CACHD1: variants seen among roughly 807,000 people sequenced by gnomAD.
CACHD1 encodes VWFA and cache domain-containing protein 1.
CACHD1 carries 71 observed loss-of-function variants against 138.7 expected under a neutral mutation model. The ratio of observed to expected loss-of-function variants is 0.51; its 90% CI spans 0.42 to 0.62. The LOEUF (loss-of-function observed/expected upper bound fraction) is 0.62, where lower values mean the gene tolerates loss of function less well. Ranked by LOEUF, CACHD1 falls within the 20% of genes least tolerant of loss-of-function variation. The pLI, the probability that CACHD1 is intolerant of heterozygous loss-of-function variation, is 0.00. For missense variants in CACHD1, 1,389 were observed against 1,625.3 expected (o/e 0.85, Z 2.50); for synonymous variants, 578 against 591.5 (o/e 0.98, Z 0.33).
In CACHD1 at chr1:64,550,600, T is replaced by G. The variant is rs767926413; in HGVS notation, c.205T>G (p.Phe69Val). The G allele has an allele frequency of 1.2e-6, 2 of 1,610,846 alleles. No individual in the cohort carries two copies. Among genetic ancestry groups the G allele is most frequent in the South Asian group, 2.2e-5 (2 of 90,972 alleles). The stretch of plus-strand genomic sequence containing the variant: ...CATTTTCTTTTCATTGCAGCGGATA[T>G]TCAACTCCTTTGTTTACACTGAGAA... ...ELGVVTMQRI[F>V]NSFVYTEKIS... The change falls in exon 2 of 27, where the codon TTC becomes GTC. Residue 69 changes from phenylalanine to valine, a missense_variant. Around this residue, in one of 5 missense-constraint regions of CACHD1, gnomAD observed 1,000 missense variants for 1,114.7 expected, o/e 0.90. Coordinates refer to ENST00000651257, the MANE Select transcript of CACHD1 (RefSeq NM_020925.4).
intron 1 of CACHD1, among the ~76,000 whole-genome samples, chr1:64,508,115 A>G (rs1646391141): frequency 6.6e-6 from 1 of 152,154 alleles, no homozygotes; most frequent in Non-Finnish European, 1.5e-5. Flanking sequence ...AAGAGAGAGA[A>G]GGGGGAGGTG....
intron 14 of CACHD1, 62 bp from the exon 15 acceptor site, chr1:64,664,429 TGCCAGCA>T (rs1381939163): frequency 6.8e-7 from 1 of 1,477,000 alleles, no homozygotes; most frequent in Non-Finnish European, 9.3e-7. Context: ...TTGGGAACAC[TGCCAGCA>T]GCCCACTCTC....
At chr1:64,572,271 C>A (rs1646932689) in intron 2 of CACHD1, among the ~76,000 whole-genome samples, 3 of 152,174 alleles carry the variant, frequency 2.0e-5, no homozygotes, top group Non-Finnish European at 1.5e-5. Context: ...GGTGGAACTT[C>A]TTTTTCCTTG....
At chr1:64,574,870 C>T (rs184647677) in intron 2 of CACHD1, among the ~76,000 whole-genome samples, 1 of 152,308 alleles carries the variant, frequency 6.6e-6, no homozygotes, top group African/African-American at 2.4e-5. Context: ...CTACAGCCCT[C>T]TGTGCCATTT....
In CACHD1 at chr1:64,641,302, T is replaced by G. The variant is rs535153353; in HGVS notation, c.1007-518T>G. ...CCTGGCTTCTAAGTCCATGTTTCAC[T>G]GCTCTACTGATGAGATTTTTAAATG... On this transcript the variant is annotated intron_variant, in intron 7 of 26. Coordinates refer to ENST00000651257, the MANE Select transcript of CACHD1 (RefSeq NM_020925.4). 1.4e-3 allele frequency among the ~76,000 whole-genome samples: 211 copies of G among 152,298 alleles called. 2 individuals carry two copies. Among genetic ancestry groups the G allele is most frequent in the African/African-American group, 5.0e-3 (207 of 41,562 alleles).
At chr1:64,474,994 C>T (rs1056264197) in intron 1 of CACHD1, among the ~76,000 whole-genome samples, 2 of 152,150 alleles carry the variant, frequency 1.3e-5, no homozygotes, top group African/African-American at 4.8e-5. Flanking sequence ...ACTGGAGCTT[C>T]AACTCCAATT....
At chr1:64,679,953 C>A (rs1231131403) in intron 24 of CACHD1, among the ~76,000 whole-genome samples, 197 bp downstream of exon 24, 1 of 152,184 alleles carries the variant, frequency 6.6e-6, no homozygotes, top group Non-Finnish European at 1.5e-5. Flanking sequence ...CCGGAAAAAT[C>A]CCTGGATCCT....
At chr1:64,486,789 CCTGCCTTTAAGGAGCTTACATT>C (rs1388097077) in intron 1 of CACHD1, among the ~76,000 whole-genome samples, 2 of 152,070 alleles carry the variant, frequency 1.3e-5, no homozygotes, top group Non-Finnish European at 2.9e-5. Context: ...GAACAGAGTC[CCTGCCTTTAAGGAGCTTACATT>C]CTTATAAGAG....
At chr1:64,481,275 C>T (rs1001952396) in intron 1 of CACHD1, among the ~76,000 whole-genome samples, 11 of 152,076 alleles carry the variant, frequency 7.2e-5, no homozygotes, top group Admixed American at 2.0e-4. Context: ...AAGCCCAAGA[C>T]GGCAGCATTT....
intron 2 of CACHD1, among the ~76,000 whole-genome samples, chr1:64,580,236 T>C (rs1647001403): frequency 6.6e-6 from 1 of 152,182 alleles, no homozygotes; most frequent in Non-Finnish European, 1.5e-5. Flanking sequence ...CAGGATTTTT[T>C]TTCCCTGATA....
At chr1:64,537,279 G>T (rs569229315) in intron 1 of CACHD1, among the ~76,000 whole-genome samples, 90 of 149,032 alleles carry the variant, frequency 6.0e-4, no homozygotes, top group Non-Finnish European at 1.1e-3. Context: ...AAAAAAAATT[G>T]TTTGTTGAGC....
chr1:64,543,581 A>G (rs1192247488), intron 1 of CACHD1, among the ~76,000 whole-genome samples: 1 of 151,570 alleles, frequency 6.6e-6, no homozygotes, highest in Non-Finnish European at 1.5e-5. Flanking sequence ...CTCTAAAATA[A>G]TAATTTTAAA....
At chr1:64,488,885 A>T (rs895942790) in intron 1 of CACHD1, among the ~76,000 whole-genome samples, 1 of 152,226 alleles carries the variant, frequency 6.6e-6, no homozygotes, top group Admixed American at 6.5e-5. Flanking sequence ...ACTCTGGTAG[A>T]TACCTAGGAT....
intron 4 of CACHD1, among the ~76,000 whole-genome samples, chr1:64,612,837 G>A (rs1570416847): frequency 6.6e-6 from 1 of 152,328 alleles, no homozygotes; most frequent in East Asian, 1.9e-4. Context: ...GGATCAAGGA[G>A]TGATTTTTAC....
At chr1:64,510,561 G>C (rs1646412841) in intron 1 of CACHD1, among the ~76,000 whole-genome samples, 1 of 152,102 alleles carries the variant, frequency 6.6e-6, no homozygotes. Context: ...TAATCTCCTG[G>C]GCAATGTTCT....
chr1:64,517,272 A>G (rs1293033550), intron 1 of CACHD1, among the ~76,000 whole-genome samples: 1 of 152,228 alleles, frequency 6.6e-6, no homozygotes, highest in Admixed American at 6.5e-5. Context: ...CAGTGATCAA[A>G]ACAGACAAAA....
Position 64,654,698 on chromosome 1 carries a change from C to T in CACHD1, c.1677C>T (p.Gly559=). 1 of 1,612,620 alleles carries T rather than the reference C, an allele frequency of 6.2e-7. No individual in the cohort carries two copies. The highest frequency in any genetic ancestry group is 8.5e-7 in the Non-Finnish European group (1 of 1,178,904). Residue 559 remains glycine, a synonymous_variant, in exon 12 of 27, where the codon GGC becomes GGT. Transcript: ENST00000651257. Reference sequence around the variant, plus strand: ...TTTGCCAACACAGCCTCCCTCTGGGCAGCCAGATTATCGCAGTCCCTGTGA... The same window carrying T: ...TTTGCCAACACAGCCTCCCTCTGGGTAGCCAGATTATCGCAGTCCCTGTGA... ...VRQNILSLPL[G]SQIIAVPVNS... is the part of the protein sequence containing the mutation.
chr1:64,678,225 C>A lies in CACHD1; in HGVS notation c.3159C>A (p.Asp1053Glu). 6.2e-7 allele frequency: 1 copy of A among 1,612,138 alleles called. No homozygotes were observed. The highest frequency in any genetic ancestry group is 1.7e-4 in the Middle Eastern group (1 of 6,042). Residue 1053 changes from aspartate to glutamate, a missense_variant, in exon 23 of 27, where the codon GAC (aspartate) becomes GAA (glutamate). Physicochemically the swap from Asp to Glu is conservative, Grantham distance 45. Around this residue, in one of 5 missense-constraint regions of CACHD1, gnomAD observed 250 missense variants for 292.9 expected, o/e 0.85. Transcript: ENST00000651257. ...MVDSDGKTHL[D>E]KPYCAPQKEC... ...ACAGTGATGGAAAGACTCACCTGGA[C>A]AAACCCTACTGTGCCCCCCAGAAAG... is the stretch of plus-strand genomic sequence containing the variant.
chr1:64,532,274 A>G (rs1033994825), intron 1 of CACHD1, among the ~76,000 whole-genome samples: 3 of 152,114 alleles, frequency 2.0e-5, no homozygotes, highest in African/African-American at 7.2e-5. Context: ...CTTCTTGTGA[A>G]TTAATTAATT....
Sources: gnomAD v4.1 joint callset for allele counts (sites outside exome capture counted in the v4.1 genomes callset) on GRCh38, gnomAD v4.1.1 for gene constraint, gnomAD v4.1.1 regional missense constraint, MANE v1.5 for transcripts, NCBI Gene and HGNC (gene_info 2026-07-23, HGNC 2026-07-21) for gene names.